CACNA2D3: variants seen among roughly 807,000 people sequenced by gnomAD.
The protein encoded by CACNA2D3 is voltage-dependent calcium channel subunit alpha-2/delta-3.
CACNA2D3 carries 60 observed loss-of-function variants against 160.6 expected under a neutral mutation model. The ratio of observed to expected loss-of-function variants is 0.37; its 90% CI spans 0.30 to 0.46. The LOEUF is 0.46. Ranked by LOEUF, CACNA2D3 falls within the 20% of genes least tolerant of loss-of-function variation. The pLI is 1.00. For synonymous variants in CACNA2D3, 558 were observed against 492.9 expected, an observed-to-expected ratio of 1.13 and a Z score of -1.75; for missense variants, 1,205 against 1,365.0, an observed-to-expected ratio of 0.88 and a Z score of 1.85.
At chr3:54,976,332 G>C (rs1308987542) in intron 29 of CACNA2D3, among the ~76,000 whole-genome samples, 1 of 125,468 alleles carries the variant, frequency 8.0e-6, no homozygotes, top group East Asian at 2.8e-4. Context: ...TTCCTGTTGT[G>C]GGGTGGGGGG....
intron 4 of CACNA2D3, among the ~76,000 whole-genome samples, chr3:54,390,265 G>A (rs959601279): frequency 1.3e-5 from 2 of 152,144 alleles, no homozygotes; most frequent in Admixed American, 6.5e-5. Context: ...TTCCAAGAGT[G>A]TTCTGATTTC....
At chr3:54,813,972 C>T (rs1328256772) in intron 13 of CACNA2D3, among the ~76,000 whole-genome samples, 1 of 148,430 alleles carries the variant, frequency 6.7e-6, no homozygotes, top group Non-Finnish European at 1.5e-5. Flanking sequence ...TCAGGTGATT[C>T]TCCCCACCTC....
At chr3:54,551,438 A>G (rs1345973545) in intron 5 of CACNA2D3, among the ~76,000 whole-genome samples, 1 of 152,214 alleles carries the variant, frequency 6.6e-6, no homozygotes, top group Non-Finnish European at 1.5e-5. Flanking sequence ...AGAAAATATG[A>G]CATGATTTAA....
At chr3:55,051,754 G>A (rs1357757376) in intron 35 of CACNA2D3, among the ~76,000 whole-genome samples, 3 of 152,070 alleles carry the variant, frequency 2.0e-5, no homozygotes, top group Non-Finnish European at 2.9e-5. Context: ...AGCAATTAGC[G>A]AGACTCCGTG....
intron 2 of CACNA2D3, among the ~76,000 whole-genome samples, chr3:54,141,094 C>CGCGCGCGCGCACACACGT (rs768348036): frequency 5.9e-4 from 48 of 81,970 alleles, no homozygotes; most frequent in African/African-American, 1.7e-3. Context: ...TGTGCGCGCG[C>CGCGCGCGCGCACACACGT]GCGCGTGTGT....
intron 2 of CACNA2D3, among the ~76,000 whole-genome samples, chr3:54,141,433 C>T (rs559159218): frequency 6.6e-6 from 1 of 152,184 alleles, no homozygotes; most frequent in African/African-American, 2.4e-5. Flanking sequence ...CCTTCATTTT[C>T]CCGAGGCAAT....
chr3:55,034,601 A>C (rs1173959253), intron 35 of CACNA2D3, among the ~76,000 whole-genome samples: 1 of 152,040 alleles, frequency 6.6e-6, no homozygotes. Context: ...CTACTGATAA[A>C]ATTTTGGTGT....
chr3:54,257,406 T>G (rs1702317155), intron 2 of CACNA2D3, among the ~76,000 whole-genome samples: 1 of 152,194 alleles, frequency 6.6e-6, no homozygotes, highest in Non-Finnish European at 1.5e-5. Flanking sequence ...AGAGAGTAAT[T>G]GGTTGCTGCA....
chr3:55,027,014 C>G (rs1397765445), intron 35 of CACNA2D3, among the ~76,000 whole-genome samples: 1 of 152,200 alleles, frequency 6.6e-6, no homozygotes, highest in African/African-American at 2.4e-5. Flanking sequence ...CACGCACACA[C>G]GCTGGTCCTA....
At chr3:54,388,052 G>A (rs1699219483) in intron 4 of CACNA2D3, among the ~76,000 whole-genome samples, 1 of 152,204 alleles carries the variant, frequency 6.6e-6, no homozygotes, top group Admixed American at 6.5e-5. Flanking sequence ...ATCAAGGAAA[G>A]TTTAATTAAG....
chr3:54,236,829 T>C (rs778373945), intron 2 of CACNA2D3, among the ~76,000 whole-genome samples: 1 of 152,176 alleles, frequency 6.6e-6, no homozygotes, highest in South Asian at 2.1e-4. Context: ...AGTTTACACT[T>C]GTACAAGTGT....
intron 2 of CACNA2D3, among the ~76,000 whole-genome samples, chr3:54,271,966 C>A (rs533091533): frequency 1.3e-5 from 2 of 152,306 alleles, no homozygotes; most frequent in South Asian, 4.2e-4. Flanking sequence ...TTCAGGGAGT[C>A]GTTTATCTAG....
intron 11 of CACNA2D3, among the ~76,000 whole-genome samples, chr3:54,730,369 G>T (rs1389899605): frequency 6.6e-6 from 1 of 152,190 alleles, no homozygotes; most frequent in African/African-American, 2.4e-5. Context: ...TCTGCTTCCA[G>T]TGGTCACTGG....
intron 11 of CACNA2D3, among the ~76,000 whole-genome samples, chr3:54,717,644 CGT>C (rs1369162722): frequency 1.8e-5 from 2 of 113,628 alleles, no homozygotes; most frequent in Non-Finnish European, 3.5e-5. Context: ...GTGGTGTGTG[CGT>C]GTCTGGTGCG....
At chr3:54,364,276 A>G (rs1219501504) in intron 3 of CACNA2D3, among the ~76,000 whole-genome samples, 2 of 152,226 alleles carry the variant, frequency 1.3e-5, no homozygotes, top group African/African-American at 4.8e-5. Flanking sequence ...CCCTGTTTTC[A>G]TTAAGACCAA....
intron 5 of CACNA2D3, among the ~76,000 whole-genome samples, chr3:54,506,476 C>A (rs1053291493): frequency 6.6e-5 from 10 of 152,298 alleles, no homozygotes; most frequent in African/African-American, 2.4e-4. Context: ...GTAAACTCTA[C>A]CTGCTTTCTA....
chr3:54,640,406 T>A (rs1005156910), intron 10 of CACNA2D3, among the ~76,000 whole-genome samples: 2 of 152,184 alleles, frequency 1.3e-5, no homozygotes, highest in African/African-American at 4.8e-5. Context: ...TTGTAGGGAT[T>A]TTAAAGGACA....
chr3:54,671,907 T>G (rs1323390804), intron 11 of CACNA2D3, among the ~76,000 whole-genome samples: 1 of 152,202 alleles, frequency 6.6e-6, no homozygotes, highest in Non-Finnish European at 1.5e-5. Flanking sequence ...AATGAGAAAG[T>G]CAGTGAGACT....
At chr3:54,798,889 C>A (rs1471677388) in intron 13 of CACNA2D3, among the ~76,000 whole-genome samples, 1 of 152,246 alleles carries the variant, frequency 6.6e-6, no homozygotes, top group African/African-American at 2.4e-5. Context: ...AGACCTGAGC[C>A]TTTTGCCCTT....
Sources: allele counts gnomAD v4.1 joint callset (sites outside exome capture counted in the v4.1 genomes callset), GRCh38; gene constraint gnomAD v4.1.1; transcripts MANE v1.5; gene names NCBI Gene and HGNC (gene_info 2026-07-23, HGNC 2026-07-21).